Variants in SOD2 observed in about 807,000 individuals in gnomAD.
The protein encoded by SOD2 is superoxide dismutase [Mn], mitochondrial.
Under a neutral mutation model 27.0 loss-of-function variants are expected in SOD2, and 11 were observed. That is an observed-to-expected ratio of 0.41 (90% CI 0.26 to 0.67). The LOEUF is 0.67. Among genes scored for constraint, SOD2 ranks in the 30% least tolerant of loss-of-function variants. SOD2 has a pLI of 0.34. For missense variants in SOD2, 250 were observed against 274.5 expected (o/e 0.91, Z 0.63); for synonymous variants, 105 against 103.0 (o/e 1.02, Z -0.12).
chr6:159,755,760 CTTTTCTTTTTTTTTTTTT>C, intron 1 of SOD2: 1 of 281,890 alleles, frequency 3.5e-6, no homozygotes, highest in Non-Finnish European at 4.7e-6. Flanking sequence ...TTTTTTTTTT[CTTTTCTTTTTTTTTTTTT>C]TTTTTTTTTT....
chr6:159,722,220 CAAA>C (rs927150539), intron 1 of SOD2, among the ~76,000 whole-genome samples: 1 of 151,646 alleles, frequency 6.6e-6, no homozygotes, highest in African/African-American at 2.4e-5. Flanking sequence ...TCTAAAAAAA[CAAA>C]AAAGCAAGCA....
At chr6:159,750,818 T>A (rs1779792231) in intron 1 of SOD2, among the ~76,000 whole-genome samples, 1 of 145,734 alleles carries the variant, frequency 6.9e-6, no homozygotes, top group Non-Finnish European at 1.5e-5. Flanking sequence ...CATCACTAAT[T>A]TGAAACAAAT....
At chr6:159,713,085 T>A in intron 1 of SOD2, 1 of 708,490 alleles carries the variant, frequency 1.4e-6, no homozygotes, top group Non-Finnish European at 2.4e-6. Context: ...ATAGAAATTA[T>A]AACATTCTTA....
intron 1 of SOD2, among the ~76,000 whole-genome samples, chr6:159,711,741 ACTCACATT>A (rs1364136588): frequency 3.9e-5 from 4 of 102,488 alleles, no homozygotes; most frequent in African/African-American, 1.5e-4. Flanking sequence ...CACAACCACC[ACTCACATT>A]GCTCTGATCA....
intron 1 of SOD2, among the ~76,000 whole-genome samples, chr6:159,706,088 G>A (rs1244383386): frequency 2.0e-5 from 3 of 152,144 alleles, no homozygotes; most frequent in Non-Finnish European, 4.4e-5. Flanking sequence ...GTCACCACCA[G>A]GCCTGCCCTA....
In SOD2 at chr6:159,736,392, TTG is replaced by T. The variant is rs200776210; in HGVS notation, c.-116+8736_-116+8737del. 1.1e-3 allele frequency: 1,031 copies of T among 970,618 alleles called. 3 individuals are homozygous for T. In the African/African-American group the frequency reaches 0.012, roughly 12 times the overall value. 60.1% of individuals were successfully genotyped at this position (970,618 alleles called of 1,614,324 possible). ...AAAAATAGACTTGAAGGGATTATCG[TTG>T]TTTGCTTATTTTTCATTTCTTTGCC... is the stretch of plus-strand genomic sequence containing the variant. On this transcript the variant is annotated intron_variant, in intron 1 of 3. Transcript: ENST00000537657.
intron 3 of SOD2, among the ~76,000 whole-genome samples, chr6:159,687,112 T>C (rs1298587137): frequency 6.6e-6 from 1 of 152,190 alleles, no homozygotes; most frequent in Non-Finnish European, 1.5e-5. Flanking sequence ...ACACCATTGT[T>C]ATCCCTGTAT....
intron 1 of SOD2, chr6:159,713,562 C>T: frequency 1.3e-6 from 1 of 776,178 alleles, no homozygotes; most frequent in Non-Finnish European, 2.3e-6. Flanking sequence ...CCTGAAAGTC[C>T]ACTCACAGTG....
intron 1 of SOD2, among the ~76,000 whole-genome samples, chr6:159,733,716 C>T (rs1375437965): frequency 6.6e-6 from 1 of 151,596 alleles, no homozygotes; most frequent in African/African-American, 2.4e-5. Context: ...GATTTCCAGA[C>T]CACCCTGACC....
intron 1 of SOD2, among the ~76,000 whole-genome samples, chr6:159,757,573 C>T (rs991573193): frequency 2.2e-4 from 33 of 151,890 alleles, no homozygotes; most frequent in African/African-American, 7.0e-4. Flanking sequence ...CCACCATGCC[C>T]GGCTTATTTT....
upstream of SOD2, chr6:159,693,334 C>T (rs5746091): frequency 0.32 from 95,576 of 296,408 alleles, 16,469 homozygotes; most frequent in East Asian, 0.46. Context: ...CCCCGCCCCC[C>T]CCCCCCGCGG....
upstream of SOD2, among the ~76,000 whole-genome samples, chr6:159,694,984 G>T (rs1007358228): frequency 1.3e-5 from 2 of 152,130 alleles, no homozygotes; most frequent in Admixed American, 1.3e-4. Flanking sequence ...TTCTGCTGAG[G>T]TGAGACACAC....
intron 1 of SOD2, among the ~76,000 whole-genome samples, chr6:159,700,536 C>A (rs1199658511): frequency 1.3e-5 from 2 of 151,954 alleles, no homozygotes; most frequent in African/African-American, 4.8e-5. Context: ...CGCCTGTAGT[C>A]CCAGCTACTC....
Position 159,676,751 on chromosome 6 carries a change from A to G in SOD2, c.*5742T>C, listed in dbSNP as rs1779789769. 1 of 152,206 alleles carries G rather than the reference A, an allele frequency of 6.6e-6. No individual in the cohort carries two copies. Among genetic ancestry groups the G allele is most frequent in the African/African-American group, 2.4e-5 (1 of 41,448 alleles). 9.4% of individuals were successfully genotyped at this position (152,206 alleles called of 1,614,324 possible). ...CTAGAACTTAAAGTATAATTTAAAA[A>G]TAAATAAGTAAAAAATAAAATGCCA... On this transcript the variant is annotated 3_prime_UTR_variant, in exon 5 of 5. Coordinates refer to ENST00000538183, the MANE Select transcript of SOD2 (RefSeq NM_000636.4).
At chr6:159,690,745 A>G (rs1414142743) in intron 2 of SOD2, among the ~76,000 whole-genome samples, 1 of 152,228 alleles carries the variant, frequency 6.6e-6, no homozygotes, top group East Asian at 1.9e-4. Context: ...GGAAAGATAC[A>G]TGCTTAATGA....
chr6:159,731,976 G>T (rs756042754), upstream of SOD2, among the ~76,000 whole-genome samples: 9 of 152,102 alleles, frequency 5.9e-5, no homozygotes, highest in Non-Finnish European at 1.0e-4. Context: ...TCTTTAAGAA[G>T]AGAGTAAGCA....
At chr6:159,762,045 A>G in exon 1 of SOD2, 1 of 1,607,266 alleles carries the variant, frequency 6.2e-7, no homozygotes, top group Non-Finnish European at 8.5e-7. Context: ...AGCTTTGCCT[A>G]GCTTGCAGGC....
chr6:159,750,392 A>G (rs1394190226), intron 1 of SOD2, among the ~76,000 whole-genome samples: 2 of 152,214 alleles, frequency 1.3e-5, no homozygotes, highest in African/African-American at 4.8e-5. Flanking sequence ...TTTTAATAAG[A>G]TAATACATGC....
At chr6:159,695,517 G>A (rs958560917), upstream of SOD2, among the ~76,000 whole-genome samples, 4 of 152,032 alleles carry the variant, frequency 2.6e-5, no homozygotes, top group Admixed American at 6.6e-5. Context: ...AACAGGCTCC[G>A]TTTTCTTTTT....
Sources: gnomAD v4.1 joint callset for allele counts (sites outside exome capture counted in the v4.1 genomes callset) on GRCh38, gnomAD v4.1.1 for gene constraint, MANE v1.5 for transcripts, NCBI Gene and HGNC (gene_info 2026-07-23, HGNC 2026-07-21) for gene names.